Variants in MGRN1 observed in about 807,000 individuals in gnomAD.
MGRN1 encodes the protein E3 ubiquitin-protein ligase MGRN1.
A neutral mutation model predicts 69.2 loss-of-function variants in MGRN1; 29 were observed. The ratio of observed to expected loss-of-function variants is 0.42; its 90% CI spans 0.31 to 0.57. The LOEUF is 0.57. Among genes scored for constraint, MGRN1 ranks in the 20% least tolerant of loss-of-function variants. The probability of loss-of-function intolerance (pLI) is 0.15; values close to 1 mark genes in which losing one functional copy is unlikely to be tolerated. For synonymous variants in MGRN1, 470 were observed against 344.2 expected (o/e 1.37, Z -4.04); for missense variants, 998 against 796.2 (o/e 1.25, Z -3.05).
intron 8 of MGRN1, among the ~76,000 whole-genome samples, chr16:4,669,892 A>T (rs1314362580): frequency 6.6e-6 from 1 of 151,818 alleles, no homozygotes; most frequent in Non-Finnish European, 1.5e-5. Flanking sequence ...AATTTAGAGG[A>T]TGGGGTGCCC....
chr16:4,663,552 G>T (rs1213179888), intron 5 of MGRN1, among the ~76,000 whole-genome samples: 1 of 152,140 alleles, frequency 6.6e-6, no homozygotes, highest in South Asian at 2.1e-4. Flanking sequence ...AGAATAAACA[G>T]ATGCATGTGT....
At chr16:4,645,046 C>CTTA (rs772384763) in intron 1 of MGRN1, among the ~76,000 whole-genome samples, 1 of 150,890 alleles carries the variant, frequency 6.6e-6, no homozygotes, top group Non-Finnish European at 1.5e-5. Context: ...TTAATAATCA[C>CTTA]TTATTACCTA....
chr16:4,648,957 T>G (rs1057004437), intron 1 of MGRN1: 2 of 158,940 alleles, frequency 1.3e-5, no homozygotes, highest in Non-Finnish European at 2.8e-5. Context: ...CGGGGCTGTG[T>G]GCCAGGAGAA....
In MGRN1 at chr16:4,681,765, G is replaced by C; in HGVS notation, c.1347G>C (p.Lys449Asn). Residue 449 changes from lysine to asparagine, a missense_variant, in exon 13 of 17, where the codon AAG (lysine) becomes AAC (asparagine). Physicochemically the swap from Lys to Asn is moderately conservative, Grantham distance 94 (BLOSUM62 0). Transcript: ENST00000262370. Reference protein sequence around the residue: ...SSRQKGRPQSKAPDSTLRSPS... With the variant: ...SSRQKGRPQSNAPDSTLRSPS... ...GCCAGAAGGGCAGGCCGCAGAGCAA[G>C]GCCCCCGACAGGTGAGCAGCAGCCA... 6.2e-7 allele frequency: 1 copy of C among 1,611,068 alleles called. No individual in the cohort carries two copies. Among genetic ancestry groups the C allele is most frequent in the Non-Finnish European group, 8.5e-7 (1 of 1,178,982 alleles).
intron 7 of MGRN1, among the ~76,000 whole-genome samples, chr16:4,667,587 A>T (rs1312361448): frequency 6.6e-6 from 1 of 152,202 alleles, no homozygotes; most frequent in African/African-American, 2.4e-5. Context: ...GGAGTCCAAC[A>T]TTCTGGAAAT....
intron 11 of MGRN1, 111 bp downstream of exon 11, chr16:4,677,683 T>A: frequency 1.0e-6 from 1 of 992,638 alleles, no homozygotes; most frequent in Non-Finnish European, 1.5e-6. Flanking sequence ...TTCTGTCCAG[T>A]GGGCAGGCAT....
Position 4,681,687 on chromosome 16 carries a change from G to A in MGRN1, c.1269G>A (p.Leu423=), listed in dbSNP as rs751789718. 1 of 1,613,424 alleles carries A rather than the reference G, an allele frequency of 6.2e-7. No homozygotes were observed. The highest frequency in any genetic ancestry group is 1.1e-5 in the South Asian group (1 of 91,088). Residue 423 remains leucine, a synonymous_variant, in exon 13 of 17, where the codon CTG becomes CTA. Transcript: ENST00000262370. ...CCTATTCAGGCATCTCGGACGGCCT[G>A]TCCCAGGCCAGCTGTCCCCTCGCGG... The part of the protein sequence containing the change: ...EITYSGISDG[L]SQASCPLAAI...
chr16:4,685,217 G>A (rs1012308103), intron 16 of MGRN1, among the ~76,000 whole-genome samples: 4 of 147,292 alleles, frequency 2.7e-5, no homozygotes, highest in Admixed American at 1.3e-4. Flanking sequence ...GGGGGTGATC[G>A]GGGAAGAGGC....
At chr16:4,672,400 A>G (rs772760367) in intron 9 of MGRN1, 2 of 456,624 alleles carry the variant, frequency 4.4e-6, no homozygotes, top group Non-Finnish European at 4.4e-6. Context: ...GCCTCTTAAG[A>G]TCTCTTGGAA....
intron 4 of MGRN1, among the ~76,000 whole-genome samples, chr16:4,656,882 AAAATAAAT>A (rs57256799): frequency 0.4 from 57,896 of 146,552 alleles, 12,593 homozygotes; most frequent in East Asian, 0.62. Context: ...TCTTATCTCA[AAAATAAAT>A]AAATAAATAA....
chr16:4,650,417 C>T lies in MGRN1; in HGVS notation c.141C>T (p.Pro47=), dbSNP rs35046817. 5 of 1,613,994 alleles carry T rather than the reference C, an allele frequency of 3.1e-6. No individual in the cohort carries two copies. The highest frequency in any genetic ancestry group is 2.5e-6 in the Non-Finnish European group (3 of 1,180,004). ...FFMGGEKFDT[P]HPEGYLFGEN... ...TGGGAGGAGAGAAATTCGACACCCC[C>T]CACCCTGAAGGTTACCTCTTTGGAG... Residue 47 remains proline, a synonymous_variant, in exon 2 of 17, where the codon CCC becomes CCT. Coordinates refer to ENST00000262370, the MANE Select transcript of MGRN1 (RefSeq NM_015246.4).
intron 5 of MGRN1, among the ~76,000 whole-genome samples, chr16:4,659,394 C>G (rs542087482): frequency 6.6e-6 from 1 of 152,212 alleles, no homozygotes; most frequent in East Asian, 1.9e-4. Flanking sequence ...CCTCCCCAGC[C>G]CCTCTGGGGA....
chr16:4,688,728 C>G (rs538053725), intron 16 of MGRN1, 68 bp from the exon 17 acceptor site: 2 of 1,487,116 alleles, frequency 1.3e-6, no homozygotes, highest in African/African-American at 1.4e-5. Context: ...GGCTCCAGAT[C>G]GGTAGGAGCG....
rs199504452 is a variant in MGRN1 at position 4,673,551 on chromosome 16, C to T, written c.849C>T (p.Ser283=). ...GCAACGAGTGTGTGGTGTGCCTGTC[C>T]GACCTGCGGGACACGCTGATCCTGC... ...DNSNECVVCL[S]DLRDTLILPC... Residue 283 remains serine, a synonymous_variant, in exon 10 of 17, where the codon TCC becomes TCT. Coordinates refer to ENST00000262370, the MANE Select transcript of MGRN1 (RefSeq NM_015246.4). 9,298 of 1,613,730 alleles carry T rather than the reference C, an allele frequency of 5.8e-3. 38 individuals carry two copies. Among genetic ancestry groups the T allele is most frequent in the Non-Finnish European group, 7.1e-3 (8,368 of 1,179,992 alleles).
rs563355043 is a variant in MGRN1 at position 4,679,904 on chromosome 16, C to A, written c.1066-128C>A. Reference sequence around the variant, plus strand: ...TCACTTAGGACAGTCCCGAGATTCACGTCCCCCGGAAGCTTGTGAAGTTCT... The same window carrying A: ...TCACTTAGGACAGTCCCGAGATTCAAGTCCCCCGGAAGCTTGTGAAGTTCT... On this transcript the variant is annotated intron_variant, in intron 11 of 16. Coordinates refer to ENST00000262370, the MANE Select transcript of MGRN1 (RefSeq NM_015246.4). The A allele has an allele frequency of 7.5e-5, 66 of 878,070 alleles. No homozygotes were observed. In the Middle Eastern group the frequency reaches 9.9e-4, roughly 13 times the overall value. 54.4% of individuals were successfully genotyped at this position (878,070 alleles called of 1,614,324 possible). A position where few individuals can be genotyped will look rare whatever the true frequency, so the allele number is the denominator to read the frequency against.
chr16:4,682,462 C>T (rs1470756133), intron 13 of MGRN1, among the ~76,000 whole-genome samples: 1 of 152,334 alleles, frequency 6.6e-6, no homozygotes, highest in African/African-American at 2.4e-5. Flanking sequence ...CCCTGGGCAC[C>T]CTCCATGCCC....
chr16:4,677,244 ACAG>A (rs2079072641), intron 10 of MGRN1: 6 of 439,588 alleles, frequency 1.4e-5, no homozygotes, highest in African/African-American at 2.1e-5. Flanking sequence ...CTATTTCTGT[ACAG>A]GGGAGCTGCT....
At chr16:4,628,872 G>A (rs938349441) in intron 1 of MGRN1, among the ~76,000 whole-genome samples, 3 of 151,576 alleles carry the variant, frequency 2.0e-5, no homozygotes, top group Admixed American at 6.6e-5. Flanking sequence ...AGACAGTCTC[G>A]CTCTGTTGCC....
intron 16 of MGRN1, chr16:4,686,803 G>A (rs1287309284): frequency 5.1e-6 from 5 of 988,162 alleles, no homozygotes; most frequent in African/African-American, 3.5e-5. Context: ...ACGTTAGGAC[G>A]CTCAGCAGGT....
Sources: allele counts gnomAD v4.1 joint callset (sites outside exome capture counted in the v4.1 genomes callset), GRCh38; gene constraint gnomAD v4.1.1; transcripts MANE v1.5; gene names NCBI Gene and HGNC (gene_info 2026-07-23, HGNC 2026-07-21).